Variants in NRXN3 observed in about 807,000 individuals in gnomAD.
The protein encoded by NRXN3 is neurexin 3.
In NRXN3, 32 loss-of-function variants were observed where a neutral mutation model predicts 137.6. The ratio of observed to expected loss-of-function variants is 0.23; its 90% CI spans 0.18 to 0.31. The LOEUF (loss-of-function observed/expected upper bound fraction) is 0.31. Among genes scored for constraint, NRXN3 ranks in the 10% least tolerant of loss-of-function variants. NRXN3 has a pLI of 1.00. For synonymous variants in NRXN3, 798 were observed against 784.5 expected, an observed-to-expected ratio of 1.02 and a Z score of -0.29; for missense variants, 1,574 against 2,062.5, an observed-to-expected ratio of 0.76 and a Z score of 4.59.
chr14:78,784,627 T>A (rs939119199), intron 8 of NRXN3, among the ~76,000 whole-genome samples: 2 of 152,140 alleles, frequency 1.3e-5, no homozygotes, highest in African/African-American at 4.8e-5. Context: ...CATGGGAAGT[T>A]ATAACAAGGG....
At chr14:78,332,291 T>A (rs1761784576) in intron 4 of NRXN3, among the ~76,000 whole-genome samples, 1 of 150,724 alleles carries the variant, frequency 6.6e-6, no homozygotes. Context: ...TTGGCCCCTA[T>A]CTTTTACCAT....
intron 3 of NRXN3, among the ~76,000 whole-genome samples, chr14:78,295,675 A>C (rs2076240408): frequency 6.6e-6 from 1 of 152,156 alleles, no homozygotes; most frequent in Admixed American, 6.5e-5. Context: ...ACTCCTTCCC[A>C]AAATTCTGAT....
chr14:79,584,769 G>T lies in NRXN3; in HGVS notation c.3445-79009G>T, dbSNP rs140339409. Among the ~76,000 whole-genome samples the T allele has an allele frequency of 7.1e-4, 108 of 152,224 alleles. No homozygotes were observed. In the East Asian group the frequency reaches 0.018, roughly 25 times the overall value. On this transcript the variant is annotated intron_variant, in intron 16 of 20. Transcript: ENST00000335750. ...GAGCCTATAGCACTTGTAAGAGCAG[G>T]GTCCTCACTGAGATTGTGCACAGCA...
At chr14:78,566,165 G>A (rs897234030) in intron 4 of NRXN3, among the ~76,000 whole-genome samples, 3 of 151,578 alleles carry the variant, frequency 2.0e-5, no homozygotes, top group South Asian at 4.2e-4. Context: ...CCCCAACGCC[G>A]GCCAAAAAAA....
intron 19 of NRXN3, among the ~76,000 whole-genome samples, chr14:79,764,882 A>G (rs2099051018): frequency 6.6e-6 from 1 of 152,220 alleles, no homozygotes; most frequent in African/African-American, 2.4e-5. Context: ...CAAGTCTGGA[A>G]AACTGTTTTG....
intron 8 of NRXN3, among the ~76,000 whole-genome samples, chr14:78,786,146 A>G (rs1482961966): frequency 6.6e-6 from 1 of 152,212 alleles, no homozygotes; most frequent in African/African-American, 2.4e-5. Flanking sequence ...TGTTTTATTC[A>G]TTGCTAGATC....
intron 18 of NRXN3, among the ~76,000 whole-genome samples, chr14:79,693,811 A>G (rs2154026778): frequency 6.6e-6 from 1 of 151,984 alleles, no homozygotes; most frequent in South Asian, 2.1e-4. Context: ...GGACTGGGGA[A>G]GATATCCTAG....
At chr14:78,508,621 T>A (rs576238746) in intron 4 of NRXN3, among the ~76,000 whole-genome samples, 1 of 152,302 alleles carries the variant, frequency 6.6e-6, no homozygotes, top group Admixed American at 6.5e-5. Flanking sequence ...AGTCTTTTAT[T>A]GAGCTTTCTA....
intron 4 of NRXN3, among the ~76,000 whole-genome samples, chr14:78,339,014 G>T (rs2081844456): frequency 6.6e-6 from 1 of 152,130 alleles, no homozygotes; most frequent in Admixed American, 6.5e-5. Flanking sequence ...AACAAAAGGG[G>T]AATATTATGG....
chr14:78,456,700 G>A lies in NRXN3; in HGVS notation c.757+158840G>A, dbSNP rs577996695. On this transcript the variant is annotated intron_variant, in intron 4 of 20. Transcript: ENST00000335750. ...GTTCCTTATCCTAGCCCATGGGAGG[G>A]TCCCCTCTGCTATTACTGACTGGCT... Among the ~76,000 whole-genome samples, 7 of 151,960 alleles carry A rather than the reference G, an allele frequency of 4.6e-5. No homozygotes were observed. The South Asian group carries it at 1.3e-3, about 27-fold the overall frequency.
intron 19 of NRXN3, among the ~76,000 whole-genome samples, chr14:79,733,676 T>TG (rs1555674439): frequency 6.7e-5 from 7 of 103,786 alleles, no homozygotes; most frequent in Non-Finnish European, 1.0e-4. Flanking sequence ...CTGTTGTTGT[T>TG]TTTTTTTTTT....
chr14:78,361,789 C>G (rs1324055233), intron 4 of NRXN3, among the ~76,000 whole-genome samples: 1 of 152,148 alleles, frequency 6.6e-6, no homozygotes, highest in Non-Finnish European at 1.5e-5. Context: ...CAGCTCTCAC[C>G]TCGACTTCCT....
intron 15 of NRXN3, among the ~76,000 whole-genome samples, chr14:78,990,587 G>A (rs538449630): frequency 3.2e-4 from 49 of 152,078 alleles, no homozygotes; most frequent in African/African-American, 1.1e-3. Flanking sequence ...TGGCCAGGCT[G>A]GTCTTGAACT....
chr14:78,473,008 A>G (rs1210408777), intron 4 of NRXN3, among the ~76,000 whole-genome samples: 2 of 151,722 alleles, frequency 1.3e-5, no homozygotes, highest in Admixed American at 6.6e-5. Context: ...TAATTAATTA[A>G]GCCTCACAAC....
At chr14:78,534,931 A>G (rs1331826851) in intron 4 of NRXN3, among the ~76,000 whole-genome samples, 1 of 152,192 alleles carries the variant, frequency 6.6e-6, no homozygotes, top group East Asian at 1.9e-4. Flanking sequence ...TTTCACTTTT[A>G]AAATTGGTGT....
At chr14:79,579,349 C>CATATAT (rs138220950) in intron 16 of NRXN3, among the ~76,000 whole-genome samples, 1 of 142,388 alleles carries the variant, frequency 7.0e-6, no homozygotes, top group Admixed American at 7.1e-5. Flanking sequence ...ATATATATTT[C>CATATAT]ATATATATAT....
intron 19 of NRXN3, among the ~76,000 whole-genome samples, chr14:79,733,106 T>C (rs2098929756): frequency 2.6e-5 from 4 of 152,146 alleles, no homozygotes; most frequent in Admixed American, 1.3e-4. Flanking sequence ...CAGATGTCTC[T>C]TCCGGCAACA....
chr14:78,662,233 TA>T lies in NRXN3; in HGVS notation c.1221+10918del, dbSNP rs541550460. On this transcript the variant is annotated intron_variant, in intron 6 of 20. Transcript: ENST00000335750. ...TTAGAATATCTTTAGAGCTGAGCTG[TA>T]AAAAAAAAAATACCCAAAAAACTAA... Among the ~76,000 whole-genome samples the T allele has an allele frequency of 4.9e-3, 718 of 145,278 alleles. 4 individuals carry two copies. Among genetic ancestry groups the T allele is most frequent in the Middle Eastern group, 0.021 (6 of 280 alleles).
intron 15 of NRXN3, among the ~76,000 whole-genome samples, chr14:79,440,768 C>T (rs923515188): frequency 6.6e-6 from 1 of 152,036 alleles, no homozygotes; most frequent in African/African-American, 2.4e-5. Context: ...TTCTAGAGAC[C>T]AGCATCGAGA....
Sources: allele counts gnomAD v4.1 joint callset (sites outside exome capture counted in the v4.1 genomes callset), GRCh38; gene constraint gnomAD v4.1.1; transcripts MANE v1.5; gene names NCBI Gene and HGNC (gene_info 2026-07-23, HGNC 2026-07-21).